Variants in PPP3CA observed in about 807,000 individuals in gnomAD.
PPP3CA encodes protein phosphatase 3 catalytic subunit alpha, also known as CAM-PRP catalytic subunit.
A neutral mutation model predicts 66.5 loss-of-function variants in PPP3CA; 14 were observed. The ratio of observed to expected loss-of-function variants is 0.21; its 90% confidence interval spans 0.14 to 0.33. The LOEUF (loss-of-function observed/expected upper bound fraction) is 0.33, where lower values mean the gene tolerates loss of function less well. Among genes scored for constraint, PPP3CA ranks in the 10% least tolerant of loss-of-function variants. The pLI is 1.00. For missense variants in PPP3CA, 317 were observed against 639.5 expected (o/e 0.50, Z 5.44); for synonymous variants, 232 against 226.2 (o/e 1.03, Z -0.23).
At chr4:101,171,787 C>T (rs951728210) in intron 2 of PPP3CA, among the ~76,000 whole-genome samples, 5 of 152,094 alleles carry the variant, frequency 3.3e-5, no homozygotes, top group African/African-American at 1.2e-4. Context: ...TCTAGTTTTC[C>T]TCTGTAATAC....
At chr4:101,049,438 A>C (rs1277623076) in intron 10 of PPP3CA, among the ~76,000 whole-genome samples, 3 of 152,146 alleles carry the variant, frequency 2.0e-5, no homozygotes, top group Non-Finnish European at 2.9e-5. Flanking sequence ...CGTGACAAAA[A>C]CACATCAATT....
At chr4:101,304,747 A>G (rs1029106518) in intron 1 of PPP3CA, among the ~76,000 whole-genome samples, 1 of 152,236 alleles carries the variant, frequency 6.6e-6, no homozygotes, top group African/African-American at 2.4e-5. Context: ...TAAAACTTCT[A>G]TTCAATTATT....
intron 1 of PPP3CA, among the ~76,000 whole-genome samples, chr4:101,286,904 G>T (rs932617425): frequency 1.3e-5 from 2 of 152,068 alleles, no homozygotes; most frequent in African/African-American, 4.8e-5. Flanking sequence ...AAGTACATTA[G>T]CTGCAGCAGC....
chr4:101,138,644 G>A (rs1398611357), intron 2 of PPP3CA, among the ~76,000 whole-genome samples: 1 of 152,076 alleles, frequency 6.6e-6, no homozygotes, highest in Non-Finnish European at 1.5e-5. Context: ...TCAGAATTTG[G>A]AGCCTTTTGG....
intron 1 of PPP3CA, among the ~76,000 whole-genome samples, chr4:101,277,665 A>G (rs1197742656): frequency 1.3e-5 from 2 of 152,226 alleles, no homozygotes; most frequent in Non-Finnish European, 2.9e-5. Context: ...AATGCTCCCC[A>G]AAATTTAAAT....
intron 2 of PPP3CA, among the ~76,000 whole-genome samples, chr4:101,136,302 A>T (rs892923189): frequency 3.9e-5 from 6 of 152,136 alleles, no homozygotes; most frequent in African/African-American, 1.2e-4. Context: ...GCAATTTGGG[A>T]GGCTGAGGTG....
intron 10 of PPP3CA, among the ~76,000 whole-genome samples, chr4:101,047,497 G>T (rs1287276674): frequency 6.6e-6 from 1 of 152,084 alleles, no homozygotes; most frequent in African/African-American, 2.4e-5. Flanking sequence ...CATTCACTTA[G>T]AGAAAAGTCC....
intron 6 of PPP3CA, among the ~76,000 whole-genome samples, chr4:101,083,977 T>C (rs544854573): frequency 6.6e-6 from 1 of 152,372 alleles, no homozygotes; most frequent in Non-Finnish European, 1.5e-5. Context: ...ATTATGTTTG[T>C]CTTTTAAGAG....
intron 1 of PPP3CA, among the ~76,000 whole-genome samples, chr4:101,200,575 G>C (rs1203105048): frequency 6.6e-6 from 1 of 152,080 alleles, no homozygotes; most frequent in Non-Finnish European, 1.5e-5. Flanking sequence ...ATTTAGCCTA[G>C]TGATCTTTTG....
At chr4:101,300,577 T>C (rs1728342424) in intron 1 of PPP3CA, among the ~76,000 whole-genome samples, 1 of 152,114 alleles carries the variant, frequency 6.6e-6, no homozygotes, top group Non-Finnish European at 1.5e-5. Context: ...GGTGGATCAC[T>C]TGATGCCAGG....
chr4:101,202,181 CTTAT>C (rs1399719377), intron 1 of PPP3CA, among the ~76,000 whole-genome samples: 6 of 152,048 alleles, frequency 3.9e-5, no homozygotes, highest in Non-Finnish European at 7.4e-5. Flanking sequence ...GCAGATTTCT[CTTAT>C]TTAAAGTATA....
chr4:101,030,377 G>A (rs1428243076), intron 12 of PPP3CA, among the ~76,000 whole-genome samples: 2 of 152,118 alleles, frequency 1.3e-5, no homozygotes, highest in African/African-American at 4.8e-5. Flanking sequence ...ACCATGGAGA[G>A]AGAGAGTACA....
Position 101,346,927 on chromosome 4 carries a change from G to A in PPP3CA, c.-131C>T, listed in dbSNP as rs1003004164. 41 of 1,069,236 alleles carry A rather than the reference G, an allele frequency of 3.8e-5. No homozygotes were observed. In the East Asian group the frequency reaches 1.0e-3, roughly 27 times the overall value. The allele number at this position is 1,069,236 out of a possible 1,614,324, so 66.2% of individuals were successfully genotyped here. A position where few individuals can be genotyped will look rare whatever the true frequency, so the allele number is the denominator to read the frequency against. ...CGCGCTGCAAACCGCTCGGCTGGAG[G>A]TCTAGGCTCTGAGCTGGCTTTAAAG... On this transcript the variant is annotated 5_prime_UTR_variant, in exon 1 of 14. Coordinates refer to ENST00000394854, the MANE Select transcript of PPP3CA (RefSeq NM_000944.5).
At chr4:101,044,773 G>T (rs557286701) in intron 10 of PPP3CA, among the ~76,000 whole-genome samples, 1 of 152,202 alleles carries the variant, frequency 6.6e-6, no homozygotes, top group African/African-American at 2.4e-5. Flanking sequence ...AGACCAAGGG[G>T]ATCTTTAAAG....
chr4:101,129,697 T>A (rs1376852346), intron 2 of PPP3CA, among the ~76,000 whole-genome samples: 9 of 152,084 alleles, frequency 5.9e-5, no homozygotes. Flanking sequence ...AGGAATAGCA[T>A]CAACATCAAC....
intron 1 of PPP3CA, among the ~76,000 whole-genome samples, chr4:101,344,911 T>C (rs912489695): frequency 8.5e-5 from 13 of 152,196 alleles, no homozygotes; most frequent in African/African-American, 2.7e-4. Context: ...AGATTGGAGC[T>C]ACATCTAAAC....
intron 1 of PPP3CA, among the ~76,000 whole-genome samples, chr4:101,324,239 G>T (rs1185645055): frequency 6.9e-6 from 1 of 144,496 alleles, no homozygotes; most frequent in South Asian, 2.4e-4. Context: ...GGAAGGGAGG[G>T]AGGGAAGGAA....
At chr4:101,326,112 G>A (rs1400944320) in intron 1 of PPP3CA, among the ~76,000 whole-genome samples, 2 of 152,104 alleles carry the variant, frequency 1.3e-5, no homozygotes, top group Non-Finnish European at 2.9e-5. Flanking sequence ...CGCCAGCATG[G>A]GCGACAGAGT....
At chr4:101,265,753 C>G (rs1363107512) in intron 1 of PPP3CA, among the ~76,000 whole-genome samples, 1 of 152,108 alleles carries the variant, frequency 6.6e-6, no homozygotes, top group Non-Finnish European at 1.5e-5. Flanking sequence ...TGCTTCAAAA[C>G]AAACATAACT....
Sources: gnomAD v4.1 joint callset for allele counts (sites outside exome capture counted in the v4.1 genomes callset) on GRCh38, gnomAD v4.1.1 for gene constraint, MANE v1.5 for transcripts, NCBI Gene and HGNC (gene_info 2026-07-23, HGNC 2026-07-21) for gene names.